WARS2: variants seen among roughly 807,000 people sequenced by gnomAD.
WARS2 encodes tryptophan--tRNA ligase, mitochondrial.
WARS2 carries 28 observed loss-of-function variants against 36.5 expected under a neutral mutation model. The ratio of observed to expected loss-of-function variants is 0.77; its 90% CI spans 0.57 to 1.05. The LOEUF (loss-of-function observed/expected upper bound fraction) is 1.05. Among genes scored for constraint, WARS2 ranks in the 50% least tolerant of loss-of-function variants. The pLI, the probability that WARS2 is intolerant of heterozygous loss-of-function variation, is 0.00. For synonymous variants in WARS2, 174 were observed against 178.4 expected, an observed-to-expected ratio of 0.98 and a Z score of 0.20; for missense variants, 435 against 456.8, an observed-to-expected ratio of 0.95 and a Z score of 0.44.
chr1:119,048,866 C>T (rs929988092), intron 2 of WARS2, among the ~76,000 whole-genome samples: 1 of 152,106 alleles, frequency 6.6e-6, no homozygotes, highest in Non-Finnish European at 1.5e-5. Context: ...GAGTTCAAGA[C>T]CAGCCTGGCC....
chr1:119,101,765 A>C (rs1347473323), intron 1 of WARS2, among the ~76,000 whole-genome samples: 5 of 152,138 alleles, frequency 3.3e-5, no homozygotes. Flanking sequence ...ATGAGGACAC[A>C]AGAGCAGGAA....
At chr1:119,050,911 C>T (rs1330061397) in intron 2 of WARS2, among the ~76,000 whole-genome samples, 1 of 151,978 alleles carries the variant, frequency 6.6e-6, no homozygotes, top group African/African-American at 2.4e-5. Context: ...ATTGAAGGAA[C>T]CCTCAACTTC....
At chr1:119,129,095 C>T (rs751768176) in intron 1 of WARS2, among the ~76,000 whole-genome samples, 1 of 152,180 alleles carries the variant, frequency 6.6e-6, no homozygotes, top group Non-Finnish European at 1.5e-5. Flanking sequence ...AGATGTCTGG[C>T]CACTGTAGTC....
At chr1:119,073,064 C>T (rs1651450904) in intron 2 of WARS2, among the ~76,000 whole-genome samples, 1 of 151,684 alleles carries the variant, frequency 6.6e-6, no homozygotes, top group Non-Finnish European at 1.5e-5. Flanking sequence ...GTAGGAGGAT[C>T]CTGAGCCCAG....
chr1:119,100,279 G>T (rs1406453455), intron 1 of WARS2, among the ~76,000 whole-genome samples: 1 of 150,190 alleles, frequency 6.7e-6, no homozygotes, highest in African/African-American at 2.5e-5. Context: ...AATCAGAAAA[G>T]GTAGAAAATA....
intron 1 of WARS2, among the ~76,000 whole-genome samples, chr1:119,104,923 G>A (rs1462290545): frequency 6.6e-6 from 1 of 152,080 alleles, no homozygotes; most frequent in Admixed American, 6.6e-5. Flanking sequence ...AAGGAGCTTG[G>A]ACTGGCAAAT....
chr1:119,048,678 C>A (rs2101142273), intron 2 of WARS2, among the ~76,000 whole-genome samples: 1 of 152,242 alleles, frequency 6.6e-6, no homozygotes, highest in Non-Finnish European at 1.5e-5. Flanking sequence ...GCCCATGGAC[C>A]TAGACGAGGA....
chr1:119,126,784 C>T lies in WARS2; in HGVS notation c.90+13771G>A, dbSNP rs1655688765. 5.4e-6 allele frequency: 4 copies of T among 738,990 alleles called. No individual in the cohort carries two copies. In the East Asian group the frequency reaches 7.4e-5, roughly 14 times the overall value. The allele number at this position is 738,990 out of a possible 1,614,324, so 45.8% of individuals were successfully genotyped here. A position where few individuals can be genotyped will look rare whatever the true frequency, so the allele number is the denominator to read the frequency against. ...CTGTCTGGAATCAACTTATTGACCA[C>T]CTCTTTCCAGTCATTTGTCTGTACC... is the stretch of plus-strand genomic sequence containing the variant. On this transcript the variant is annotated intron_variant, in intron 1 of 5. Transcript: ENST00000235521.
chr1:119,128,728 C>T (rs1655871716), intron 1 of WARS2, among the ~76,000 whole-genome samples: 2 of 152,112 alleles, frequency 1.3e-5, no homozygotes, highest in Non-Finnish European at 2.9e-5. Context: ...AGCCACCCCT[C>T]TCGTTCCCCA....
intron 1 of WARS2, among the ~76,000 whole-genome samples, chr1:119,126,130 C>G (rs150894408): frequency 1.2e-4 from 18 of 152,234 alleles, no homozygotes; most frequent in Non-Finnish European, 1.9e-4. Context: ...CCATGGTCAT[C>G]ACTTGGACTA....
At position 119,104,918 on chromosome 1, in the gene WARS2, G is replaced by A. The variant is rs587714991; in HGVS notation, c.91-28311C>T. Among the ~76,000 whole-genome samples, 4 of 152,246 alleles carry A rather than the reference G, an allele frequency of 2.6e-5. No individual in the cohort carries two copies. In the South Asian group the frequency reaches 6.2e-4, roughly 24 times the overall value. On this transcript the variant is annotated intron_variant, in intron 1 of 5. Transcript: ENST00000235521. ...AAGGCCTTGTATGCTATGACAAGGA[G>A]CTTGGACTGGCAAATGATTCGAGGA...
intron 1 of WARS2, among the ~76,000 whole-genome samples, chr1:119,105,510 C>A (rs1206455189): frequency 6.6e-6 from 1 of 152,112 alleles, no homozygotes; most frequent in Admixed American, 6.6e-5. Flanking sequence ...GCCGCCAACT[C>A]ATACAGGTTG....
At chr1:119,037,529 T>C (rs1189497700) in intron 4 of WARS2, among the ~76,000 whole-genome samples, 1 of 152,204 alleles carries the variant, frequency 6.6e-6, no homozygotes, top group African/African-American at 2.4e-5. Context: ...TCATGACTAG[T>C]TGCTTGTAGG....
chr1:119,101,246 A>C (rs1653841346), intron 1 of WARS2, among the ~76,000 whole-genome samples: 1 of 152,318 alleles, frequency 6.6e-6, no homozygotes, highest in Middle Eastern at 3.4e-3. Context: ...TATACGTGTA[A>C]CAAAATTTCA....
intron 1 of WARS2, among the ~76,000 whole-genome samples, chr1:119,081,845 G>C (rs1652216232): frequency 6.6e-6 from 1 of 152,120 alleles, no homozygotes; most frequent in Admixed American, 6.5e-5. Flanking sequence ...CGTGACACTG[G>C]TGCTCCTCTG....
chr1:119,039,878 C>A (rs892919684), intron 4 of WARS2, among the ~76,000 whole-genome samples: 6 of 151,322 alleles, frequency 4.0e-5, no homozygotes, highest in African/African-American at 1.2e-4. Context: ...AAAAAAAAAA[C>A]ACAGATGTTT....
At chr1:119,061,832 T>A (rs1650404887) in intron 2 of WARS2, among the ~76,000 whole-genome samples, 1 of 152,072 alleles carries the variant, frequency 6.6e-6, no homozygotes, top group Admixed American at 6.6e-5. Flanking sequence ...ACAACCTAGG[T>A]CTGTATTTAC....
chr1:119,085,304 C>A (rs2101374014), intron 1 of WARS2: 1 of 1,173,956 alleles, frequency 8.5e-7, no homozygotes, highest in Non-Finnish European at 1.3e-6. Flanking sequence ...GGAGCTTCCG[C>A]CCCTCCCTGG....
At chr1:119,072,289 G>C (rs769575349) in intron 2 of WARS2, among the ~76,000 whole-genome samples, 2 of 152,212 alleles carry the variant, frequency 1.3e-5, no homozygotes, top group African/African-American at 2.4e-5. Context: ...GGCAATCCAC[G>C]GGCAGTAGGT....
Sources: gnomAD v4.1 joint callset for allele counts (sites outside exome capture counted in the v4.1 genomes callset) on GRCh38, gnomAD v4.1.1 for gene constraint, MANE v1.5 for transcripts, NCBI Gene and HGNC (gene_info 2026-07-23, HGNC 2026-07-21) for gene names.